ANK3: variants seen among roughly 807,000 people sequenced by gnomAD.
ANK3 encodes the protein ankyrin 3.
Under a neutral mutation model 370.9 loss-of-function variants are expected in ANK3, and 57 were observed. That is an observed-to-expected ratio of 0.15 (90% CI 0.12 to 0.19). The LOEUF (loss-of-function observed/expected upper bound fraction) is 0.19, where lower values mean the gene tolerates loss of function less well. Ranked by LOEUF, ANK3 falls within the 10% of genes least tolerant of loss-of-function variation. The probability of loss-of-function intolerance (pLI) is 1.00; values close to 1 mark genes in which losing one functional copy is unlikely to be tolerated. For missense variants in ANK3, 4,439 were observed against 5,302.1 expected, an observed-to-expected ratio of 0.84 and a Z score of 5.06; for synonymous variants, 1,929 against 1,946.3, an observed-to-expected ratio of 0.99 and a Z score of 0.23.
At chr10:60,518,144 G>A (rs563245208) in intron 2 of ANK3, among the ~76,000 whole-genome samples, 4,056 of 73,658 alleles carry the variant, frequency 0.055, 73 homozygotes, top group Non-Finnish European at 0.075. Context: ...TAAAGCCTGG[G>A]GCAAGGACAT....
rs554076430 is a variant in ANK3 at position 60,504,943 on chromosome 10, A to T, written c.96+110243T>A. On this transcript the variant is annotated intron_variant, in intron 2 of 43. Transcript: ENST00000373827. ...CATAAGGGAAACTTGAATGTAAACT[A>T]GGGATTAGAGCATATGAAGGGATCA... is the stretch of plus-strand genomic sequence containing the variant. Among the ~76,000 whole-genome samples the T allele has an allele frequency of 8.5e-5, 13 of 152,296 alleles. No homozygotes were observed. The South Asian group carries it at 2.7e-3, about 32-fold the overall frequency.
intron 2 of ANK3, among the ~76,000 whole-genome samples, chr10:60,588,803 A>T (rs1450481268): frequency 6.6e-6 from 1 of 152,086 alleles, no homozygotes; most frequent in Non-Finnish European, 1.5e-5. Context: ...CCAGCTATTC[A>T]GGAGGCAGAA....
chr10:60,694,332 T>C (rs907450260), intron 1 of ANK3, among the ~76,000 whole-genome samples: 2 of 152,150 alleles, frequency 1.3e-5, no homozygotes, highest in Non-Finnish European at 2.9e-5. Context: ...GGCAGGATAT[T>C]ATCCAGGAGA....
chr10:60,187,399 C>A (rs2096372250), intron 16 of ANK3, among the ~76,000 whole-genome samples: 1 of 152,144 alleles, frequency 6.6e-6, no homozygotes, highest in Admixed American at 6.5e-5. Context: ...TCGTGATCCA[C>A]CTGCCTCGGC....
intron 1 of ANK3, among the ~76,000 whole-genome samples, chr10:60,703,682 GAACC>G (rs1305137735): frequency 6.6e-6 from 1 of 152,022 alleles, no homozygotes; most frequent in Non-Finnish European, 1.5e-5. Context: ...AAGCATAATA[GAACC>G]AACAGCTATG....
At chr10:60,447,975 T>C (rs1052305103) in intron 2 of ANK3, among the ~76,000 whole-genome samples, 2 of 152,138 alleles carry the variant, frequency 1.3e-5, no homozygotes, top group African/African-American at 4.8e-5. Flanking sequence ...ATGATTGTGC[T>C]CTAGAGATTA....
intron 1 of ANK3, among the ~76,000 whole-genome samples, chr10:60,344,191 C>T (rs1356377417): frequency 6.6e-6 from 1 of 152,212 alleles, no homozygotes; most frequent in Admixed American, 6.5e-5. Flanking sequence ...CTGAAAATCA[C>T]CTGTGAACTA....
intron 7 of ANK3, 30 bp from the exon 8 acceptor site, chr10:60,234,816 G>T: frequency 6.7e-7 from 1 of 1,493,774 alleles, no homozygotes; most frequent in Non-Finnish European, 9.3e-7. Flanking sequence ...GTACAGATTT[G>T]ATATTTTTGG....
chr10:60,205,350 G>A (rs1392620011), intron 11 of ANK3, among the ~76,000 whole-genome samples: 1 of 152,132 alleles, frequency 6.6e-6, no homozygotes, highest in East Asian at 1.9e-4. Flanking sequence ...GCGGGAGACT[G>A]TCCTGTATAC....
In ANK3 at chr10:60,076,446, C is replaced by A; in HGVS notation, c.4435G>T (p.Glu1479Ter). The change falls in exon 37 of 44, where the codon GAA (glutamate) becomes TAA (stop). Residue 1479 changes from glutamate to a stop codon, truncating the protein, a stop_gained and splice_region_variant. Coordinates refer to ENST00000280772, the MANE Select transcript of ANK3 (RefSeq NM_020987.5). LOFTEE classifies it high-confidence loss of function. ...GATCTTGTTGCTCCTGTACTCCGTT[C>A]AACTGTTTCTTAAATTTTAAAATGA... Reference protein sequence around the residue: ...YSYLTEPGMIERSTGATRSLP... With the variant: ...YSYLTEPGMI The A allele has an allele frequency of 6.4e-7, 1 of 1,557,452 alleles. No individual in the cohort carries two copies. Among genetic ancestry groups the A allele is most frequent in the South Asian group, 1.2e-5 (1 of 83,448 alleles).
intron 1 of ANK3, among the ~76,000 whole-genome samples, chr10:60,710,937 A>G (rs1382603967): frequency 2.6e-5 from 4 of 152,106 alleles, no homozygotes; most frequent in African/African-American, 7.2e-5. Flanking sequence ...GTTCTATTCA[A>G]CCCTTCAACA....
At chr10:60,692,280 G>A (rs1301146342) in intron 1 of ANK3, among the ~76,000 whole-genome samples, 2 of 152,170 alleles carry the variant, frequency 1.3e-5, no homozygotes, top group Non-Finnish European at 2.9e-5. Context: ...TGCCTCTGCT[G>A]ACACCCAGCT....
chr10:60,176,201 A>AAC (rs200437152), intron 18 of ANK3, among the ~76,000 whole-genome samples: 4,041 of 150,728 alleles, frequency 0.027, 180 homozygotes, highest in African/African-American at 0.094. Flanking sequence ...AAAAACAAAA[A>AAC]AAAACAAAAA....
intron 2 of ANK3, among the ~76,000 whole-genome samples, chr10:60,521,155 C>A (rs2076337652): frequency 1.3e-5 from 2 of 151,992 alleles, no homozygotes; most frequent in African/African-American, 4.8e-5. Flanking sequence ...TGTGTATCAG[C>A]TTTAAAGAGG....
intron 38 of ANK3, 86 bp from the exon 39 acceptor site, chr10:60,064,374 A>T (rs1441669041): frequency 7.1e-5 from 97 of 1,359,566 alleles, no homozygotes; most frequent in Non-Finnish European, 9.4e-5. Context: ...TGCCACAAAA[A>T]GAAAAGGGAA....
chr10:60,485,948 T>A (rs1435167173), intron 2 of ANK3, among the ~76,000 whole-genome samples: 1 of 151,504 alleles, frequency 6.6e-6, no homozygotes, highest in Admixed American at 6.6e-5. Flanking sequence ...GATGAATGAA[T>A]GAGATGGAAA....
chr10:60,723,927 G>A (rs2079899998), intron 1 of ANK3, among the ~76,000 whole-genome samples: 1 of 151,912 alleles, frequency 6.6e-6, no homozygotes, highest in Non-Finnish European at 1.5e-5. Flanking sequence ...TAAAGAAATG[G>A]AGGCTGGGCG....
intron 20 of ANK3, 35 bp downstream of exon 20, chr10:60,172,865 C>T (rs1412795293): frequency 3.5e-6 from 5 of 1,429,690 alleles, no homozygotes; most frequent in Non-Finnish European, 4.9e-6. Flanking sequence ...CATCTATCTC[C>T]TCCCTCTTCT....
intron 2 of ANK3, among the ~76,000 whole-genome samples, chr10:60,449,176 T>G (rs1247305881): frequency 6.6e-6 from 1 of 152,206 alleles, no homozygotes; most frequent in African/African-American, 2.4e-5. Context: ...GAGACAGTAG[T>G]CTATATTTCT....
Sources: gnomAD v4.1 joint callset for allele counts (sites outside exome capture counted in the v4.1 genomes callset) on GRCh38, gnomAD v4.1.1 for gene constraint, MANE v1.5 for transcripts, NCBI Gene and HGNC (gene_info 2026-07-23, HGNC 2026-07-21) for gene names.